Variants in DDO observed in about 807,000 individuals in gnomAD.
DDO encodes the protein D-aspartate oxidase, DDO.
A neutral mutation model predicts 16.8 loss-of-function variants in DDO; 16 were observed. The ratio of observed to expected loss-of-function variants is 0.95; its 90% CI spans 0.65 to 1.45. DDO has a LOEUF of 1.45. Among genes scored for constraint, DDO ranks in the 40% most tolerant of loss-of-function variants. The pLI is 0.00. For missense variants in DDO, 429 were observed against 420.3 expected, an observed-to-expected ratio of 1.02 and a Z score of -0.18; for synonymous variants, 180 against 167.2, an observed-to-expected ratio of 1.08 and a Z score of -0.59.
intron 2 of DDO, among the ~76,000 whole-genome samples, chr6:110,411,278 A>G (rs1175984962): frequency 6.6e-6 from 1 of 152,154 alleles, no homozygotes; most frequent in Non-Finnish European, 1.5e-5. Context: ...AGAAATTCCC[A>G]TCTGCTGTTC....
chr6:110,403,224 T>C (rs1562262241), intron 4 of DDO, among the ~76,000 whole-genome samples: 1 of 152,224 alleles, frequency 6.6e-6, no homozygotes. Context: ...TTATTTTATT[T>C]TATTGCCTTT....
At chr6:110,404,639 C>T in intron 4 of DDO, 135 bp downstream of exon 4, 1 of 830,750 alleles carries the variant, frequency 1.2e-6, no homozygotes, top group Non-Finnish European at 1.9e-6. Context: ...AAGCCCTAGC[C>T]ATTTGTGAGT....
rs1359583439 is a variant in DDO, at chr6:110,413,579, T to C, written c.-4-113A>G. 49 of 1,059,162 alleles carry C rather than the reference T, an allele frequency of 4.6e-5. 2 individuals carry two copies. The South Asian group carries it at 7.3e-4, about 16-fold the overall frequency. 65.6% of individuals were successfully genotyped at this position (1,059,162 alleles called of 1,614,324 possible). On this transcript the variant is annotated intron_variant, in intron 1 of 4. Transcript: ENST00000368924. ...GTCTTCAGCCACTCAGAATAAGACT[T>C]AGCCTATTGGTGTTTCTTGTGAGAT...
downstream of DDO, among the ~76,000 whole-genome samples, chr6:110,390,663 T>C (rs753122109): frequency 1.3e-5 from 2 of 152,202 alleles, no homozygotes; most frequent in Non-Finnish European, 2.9e-5. Flanking sequence ...ACCACAGGCA[T>C]AGTGAACAAA....
At chr6:110,406,051 C>T (rs748335287) in intron 3 of DDO, among the ~76,000 whole-genome samples, 39 of 152,192 alleles carry the variant, frequency 2.6e-4, no homozygotes, top group Non-Finnish European at 4.4e-4. Context: ...ATGTCCTTTA[C>T]TGCAGGGTTC....
chr6:110,399,423 A>C (rs527426329), intron 4 of DDO, among the ~76,000 whole-genome samples: 54 of 152,346 alleles, frequency 3.5e-4, no homozygotes, highest in Admixed American at 1.2e-3. Flanking sequence ...ATAGACCCTG[A>C]GTGTGAGGAG....
At chr6:110,413,240 T>A in intron 2 of DDO, 51 bp downstream of exon 2, 1 of 1,576,668 alleles carries the variant, frequency 6.3e-7, no homozygotes, top group Non-Finnish European at 8.7e-7. Context: ...TCCACTAACA[T>A]CATTCTATCT....
intron 2 of DDO, among the ~76,000 whole-genome samples, chr6:110,411,801 T>C (rs1257448045): frequency 6.6e-6 from 1 of 151,934 alleles, no homozygotes; most frequent in African/African-American, 2.4e-5. Context: ...AAAATAAAAT[T>C]AAAGAGGAAA....
Position 110,392,376 on chromosome 6 carries a change from G to A in DDO, c.*399C>T, listed in dbSNP as rs1562256098. The A allele has an allele frequency of 2.0e-6, 2 of 990,190 alleles. No homozygotes were observed. The highest frequency in any genetic ancestry group is 2.4e-6 in the Non-Finnish European group (2 of 833,620). 61.3% of individuals were successfully genotyped at this position (990,190 alleles called of 1,614,324 possible). ...TCATATAAATCTGCATAGGTCCTTG[G>A]ACATCAGTTCTAAATAAATTTTACT... On this transcript the variant is annotated 3_prime_UTR_variant, in exon 5 of 5. Transcript: ENST00000368924.
Position 110,392,040 on chromosome 6 carries a change from C to G in DDO, c.*735G>C, listed in dbSNP as rs772156085. On this transcript the variant is annotated 3_prime_UTR_variant, in exon 5 of 5. Transcript: ENST00000368924. Reference sequence around the variant, plus strand: ...CCCCTAGGTGTTTGACCCCAGGCAGCTATTGAATTGATATGACATACATAG... The same window carrying G: ...CCCCTAGGTGTTTGACCCCAGGCAGGTATTGAATTGATATGACATACATAG... The G allele has an allele frequency of 4.1e-6, 1 of 245,074 alleles. No individual in the cohort carries two copies. The highest frequency in any genetic ancestry group is 6.5e-6 in the Non-Finnish European group (1 of 153,048). The allele number at this position is 245,074 out of a possible 1,614,324, so 15.2% of individuals were successfully genotyped here.
intron 3 of DDO, among the ~76,000 whole-genome samples, chr6:110,407,536 A>AT (rs999752480): frequency 2.0e-5 from 3 of 152,252 alleles, no homozygotes; most frequent in Admixed American, 6.5e-5. Flanking sequence ...GATAAGACAC[A>AT]TTTTTTCAGA....
chr6:110,408,517 TC>T, intron 2 of DDO, 75 bp from the exon 3 acceptor site: 5 of 1,351,928 alleles, frequency 3.7e-6, no homozygotes, highest in Non-Finnish European at 4.1e-6. Flanking sequence ...ATAAGCTCCT[TC>T]CTAGAAACTT....
intron 3 of DDO, among the ~76,000 whole-genome samples, chr6:110,407,181 T>A (rs531863696): frequency 3.6e-4 from 55 of 152,300 alleles, no homozygotes; most frequent in African/African-American, 1.3e-3. Flanking sequence ...ATTCTGGACA[T>A]GGCTGTTTCC....
intron 4 of DDO, among the ~76,000 whole-genome samples, chr6:110,393,685 T>A (rs1773193181): frequency 1.3e-5 from 2 of 152,262 alleles, no homozygotes; most frequent in Admixed American, 6.5e-5. Context: ...AAGCATTTCT[T>A]ATTTATACCA....
intron 2 of DDO, among the ~76,000 whole-genome samples, chr6:110,411,354 A>T (rs1773851831): frequency 6.6e-6 from 1 of 152,134 alleles, no homozygotes; most frequent in Non-Finnish European, 1.5e-5. Flanking sequence ...AACCTCTATC[A>T]TGAAAAATGA....
At chr6:110,414,786 C>T (rs1321809761) in intron 1 of DDO, among the ~76,000 whole-genome samples, 10 of 152,362 alleles carry the variant, frequency 6.6e-5, no homozygotes, top group African/African-American at 2.2e-4. Flanking sequence ...GGCATAGTTG[C>T]CCTTCTCTGT....
intron 4 of DDO, among the ~76,000 whole-genome samples, chr6:110,397,276 T>C (rs941669146): frequency 7.2e-5 from 11 of 152,230 alleles, no homozygotes; most frequent in South Asian, 2.1e-4. Context: ...CCCAGTGCAT[T>C]ATCTATGTGT....
downstream of DDO, among the ~76,000 whole-genome samples, chr6:110,391,503 T>C (rs1248240702): frequency 6.6e-6 from 1 of 152,022 alleles, no homozygotes; most frequent in Non-Finnish European, 1.5e-5. Flanking sequence ...GCCCAGCTAA[T>C]TTTTGTATTT....
chr6:110,409,780 TGTGTGAG>T (rs1358039256), intron 2 of DDO, among the ~76,000 whole-genome samples: 1 of 152,208 alleles, frequency 6.6e-6, no homozygotes, highest in African/African-American at 2.4e-5. Context: ...TCTATGCCAC[TGTGTGAG>T]GTTGTATTAA....
Sources: gnomAD v4.1 joint callset for allele counts (sites outside exome capture counted in the v4.1 genomes callset) on GRCh38, gnomAD v4.1.1 for gene constraint, MANE v1.5 for transcripts, NCBI Gene and HGNC (gene_info 2026-07-23, HGNC 2026-07-21) for gene names.